WWC1: variants seen among roughly 807,000 people sequenced by gnomAD.
The protein encoded by WWC1 is WW and C2 domain containing 1.
A neutral mutation model predicts 138.4 loss-of-function variants in WWC1; 55 were observed. The ratio of observed to expected loss-of-function variants is 0.40; its 90% CI spans 0.32 to 0.50. The LOEUF is 0.50. WWC1 is among the 20% of genes least tolerant of loss of function. The probability of loss-of-function intolerance (pLI) is 0.72; values close to 1 mark genes in which losing one functional copy is unlikely to be tolerated. For missense variants in WWC1, 1,226 were observed against 1,420.4 expected, an observed-to-expected ratio of 0.86 and a Z score of 2.20; for synonymous variants, 524 against 564.9, an observed-to-expected ratio of 0.93 and a Z score of 1.03.
At chr5:168,394,484 G>GA (rs1446747530) in intron 3 of WWC1, among the ~76,000 whole-genome samples, 1 of 113,488 alleles carries the variant, frequency 8.8e-6, no homozygotes, top group Non-Finnish European at 2.0e-5. Flanking sequence ...CCCAGCACTT[G>GA]GGGGGCCGAG....
At chr5:168,462,547 A>G (rs1166367657) in intron 20 of WWC1, among the ~76,000 whole-genome samples, 2 of 152,198 alleles carry the variant, frequency 1.3e-5, no homozygotes, top group African/African-American at 4.8e-5. Context: ...GCAGATGTTC[A>G]TGGTCCACTC....
rs1050795873 is a variant in WWC1, at chr5:168,292,824, G to GAACA, written c.119+554_119+557dup. Among the ~76,000 whole-genome samples the GAACA allele has an allele frequency of 6.6e-6, 1 of 152,126 alleles. No individual in the cohort carries two copies. The highest frequency in any genetic ancestry group is 2.4e-5 in the African/African-American group (1 of 41,432). The stretch of plus-strand genomic sequence containing the variant: ...TGACAGGTGCCTTGGAAGCTGCTGA[G>GAACA]AACAGCACAGGGGCAGCCAGGGGGC... On this transcript the variant is annotated intron_variant, in intron 1 of 22. Coordinates refer to ENST00000265293, the MANE Select transcript of WWC1 (RefSeq NM_015238.3). The surrounding 1 kb of genome is among the most constrained non-coding windows in gnomAD (Gnocchi z 4.4).
intron 11 of WWC1, among the ~76,000 whole-genome samples, chr5:168,425,677 T>C (rs533891886): frequency 4.3e-4 from 66 of 151,954 alleles, no homozygotes; most frequent in African/African-American, 1.5e-3. Context: ...TTTTGTATTT[T>C]TAGTAGAGGC....
In WWC1 at chr5:168,431,457, T is replaced by TCTGGCTGGCTGG. The variant is rs11279828; in HGVS notation, c.2280+49_2280+60dup. The TCTGGCTGGCTGG allele has an allele frequency of 6.2e-5, 88 of 1,414,450 alleles. No individual in the cohort carries two copies. The highest frequency in any genetic ancestry group is 2.7e-4 in the South Asian group (20 of 73,952). The allele number at this position is 1,414,450 out of a possible 1,614,324, so 87.6% of individuals were successfully genotyped here. On this transcript the variant is annotated intron_variant, in intron 15 of 22. Transcript: ENST00000265293. ...GGAAGAGTGCCTGGTAAGGGCCGTG[T>TCTGGCTGGCTGG]CTGGCTGGCTGGCTGGCTGGCTGGC...
intron 1 of WWC1, among the ~76,000 whole-genome samples, chr5:168,328,844 T>G (rs1356469038): frequency 1.3e-5 from 2 of 150,652 alleles, no homozygotes; most frequent in African/African-American, 4.9e-5. Context: ...CTGTGGGGAG[T>G]TTTTTCACTT....
At chr5:168,295,520 T>G (rs866928304) in intron 1 of WWC1, among the ~76,000 whole-genome samples, 130 of 76,098 alleles carry the variant, frequency 1.7e-3, no homozygotes, top group South Asian at 2.8e-3. Flanking sequence ...GTGTGTGTGT[T>G]TATTTGCCTT....
chr5:168,324,375 G>A (rs532530827), intron 1 of WWC1, among the ~76,000 whole-genome samples: 34 of 152,152 alleles, frequency 2.2e-4, no homozygotes, highest in Non-Finnish European at 3.8e-4. Flanking sequence ...AGAGGTTGCA[G>A]TGAGTTGAGA....
intron 20 of WWC1, 103 bp downstream of exon 20, chr5:168,460,845 C>T: frequency 8.4e-7 from 1 of 1,194,138 alleles, no homozygotes; most frequent in East Asian, 2.5e-5. Context: ...CATTTCTCCT[C>T]AGCCACTGGC....
At chr5:168,406,948 T>C (rs766660758) in intron 6 of WWC1, among the ~76,000 whole-genome samples, 19 of 151,210 alleles carry the variant, frequency 1.3e-4, no homozygotes, top group Non-Finnish European at 2.5e-4. Flanking sequence ...TCTCAAAAAA[T>C]AAATAAATAA....
At chr5:168,447,134 A>G (rs999755962) in intron 17 of WWC1, among the ~76,000 whole-genome samples, 1 of 152,240 alleles carries the variant, frequency 6.6e-6, no homozygotes, top group African/African-American at 2.4e-5. Context: ...GAGATTTAGA[A>G]AACAGCCACT....
At chr5:168,410,248 G>T in intron 8 of WWC1, 1 of 428,460 alleles carries the variant, frequency 2.3e-6, no homozygotes, top group Non-Finnish European at 4.2e-6. Context: ...TCAAAGCCGA[G>T]TTATCTTCCC....
intron 1 of WWC1, among the ~76,000 whole-genome samples, chr5:168,328,195 C>T (rs1772721791): frequency 6.6e-6 from 1 of 152,174 alleles, no homozygotes; most frequent in Non-Finnish European, 1.5e-5. Context: ...TCTCAGTGAT[C>T]TCACCCACAA....
intron 15 of WWC1, among the ~76,000 whole-genome samples, chr5:168,439,122 C>G (rs781186715): frequency 3.3e-5 from 5 of 152,178 alleles, no homozygotes; most frequent in Non-Finnish European, 5.9e-5. Flanking sequence ...CACAGATATA[C>G]TTACCCCACT....
At chr5:168,360,017 AT>A (rs1334708985) in intron 1 of WWC1, among the ~76,000 whole-genome samples, 1 of 152,120 alleles carries the variant, frequency 6.6e-6, no homozygotes, top group Non-Finnish European at 1.5e-5. Flanking sequence ...TTCCACAACC[AT>A]TTGGTTCCTA....
At chr5:168,352,973 C>T (rs1775102009) in intron 1 of WWC1, among the ~76,000 whole-genome samples, 1 of 152,166 alleles carries the variant, frequency 6.6e-6, no homozygotes, top group Non-Finnish European at 1.5e-5. Flanking sequence ...ACTCTTAGGT[C>T]AATGCCTATT....
chr5:168,334,258 C>T (rs541047761), intron 1 of WWC1, among the ~76,000 whole-genome samples: 298 of 151,850 alleles, frequency 2.0e-3, no homozygotes, highest in African/African-American at 6.7e-3. Flanking sequence ...AAAAACTCTT[C>T]TCTCCCTAAC....
intron 1 of WWC1, among the ~76,000 whole-genome samples, chr5:168,333,083 C>T (rs113987111): frequency 0.01 from 1,563 of 152,338 alleles, 22 homozygotes; most frequent in African/African-American, 0.035. Flanking sequence ...CTGACTTCAG[C>T]ATCTCTGGGG....
rs527774286 is a variant in WWC1, at chr5:168,469,014, C to G, written c.3339C>G (p.Val1113=). The change falls in exon 23 of 23, where the codon GTC becomes GTG. Residue 1113 remains valine, a synonymous_variant. Coordinates refer to ENST00000265293, the MANE Select transcript of WWC1 (RefSeq NM_015238.3). The part of the protein sequence containing the change: ...MNIPALSADD[V] ...TCCCAGCTCTCTCTGCAGATGACGT[C>G]TAATCGCCAGAAAAGTATTTCCTTT... The G allele has an allele frequency of 6.2e-7, 1 of 1,614,202 alleles. No individual in the cohort carries two copies. The highest frequency in any genetic ancestry group is 1.1e-5 in the South Asian group (1 of 91,084).
intron 17 of WWC1, among the ~76,000 whole-genome samples, chr5:168,445,082 G>A (rs1008125538): frequency 6.6e-6 from 1 of 152,102 alleles, no homozygotes; most frequent in African/African-American, 2.4e-5. Flanking sequence ...TTGGGAAGCC[G>A]AGGTGGGTGG....
Sources: allele counts gnomAD v4.1 joint callset (sites outside exome capture counted in the v4.1 genomes callset), GRCh38; gene constraint gnomAD v4.1.1; non-coding constraint Gnocchi (gnomAD v3.1); transcripts MANE v1.5; gene names NCBI Gene and HGNC (gene_info 2026-07-23, HGNC 2026-07-21).